RCOR1: variants seen among roughly 807,000 people sequenced by gnomAD.
RCOR1 encodes REST corepressor.
In RCOR1, 12 loss-of-function variants were observed where a neutral mutation model predicts 64.0. The observed-to-expected ratio is 0.19, with a 90% CI of 0.12 to 0.30. The LOEUF is 0.30. RCOR1 is among the 10% of genes least tolerant of loss of function. The pLI is 1.00. For synonymous variants in RCOR1, 279 were observed against 227.2 expected, an observed-to-expected ratio of 1.23 and a Z score of -2.05; for missense variants, 502 against 621.2, an observed-to-expected ratio of 0.81 and a Z score of 2.04.
At chr14:102,611,848 T>C (rs1464314512) in intron 2 of RCOR1, among the ~76,000 whole-genome samples, 1 of 152,190 alleles carries the variant, frequency 6.6e-6, no homozygotes, top group Non-Finnish European at 1.5e-5. Context: ...TTTATATTTT[T>C]AGAGAAGGTG....
chr14:102,713,343 G>A (rs893484853), intron 7 of RCOR1, among the ~76,000 whole-genome samples: 3 of 146,914 alleles, frequency 2.0e-5, no homozygotes, highest in African/African-American at 7.6e-5. Flanking sequence ...ACTGCAAGCT[G>A]CGCCTCCCAG....
chr14:102,601,783 C>T (rs1893403511), intron 2 of RCOR1, among the ~76,000 whole-genome samples: 1 of 152,196 alleles, frequency 6.6e-6, no homozygotes. Flanking sequence ...TTTCTGGTAG[C>T]TGGGGCTGTC....
At chr14:102,672,172 T>C (rs2139949471) in intron 2 of RCOR1, among the ~76,000 whole-genome samples, 1 of 152,306 alleles carries the variant, frequency 6.6e-6, no homozygotes, top group South Asian at 2.1e-4. Context: ...TTTTATTTCT[T>C]TGGGCTGTAT....
At chr14:102,724,867 C>T (rs1463406964) in intron 11 of RCOR1, among the ~76,000 whole-genome samples, 1 of 152,122 alleles carries the variant, frequency 6.6e-6, no homozygotes, top group Non-Finnish European at 1.5e-5. Flanking sequence ...CCTGTAGAGT[C>T]CAACAGCTGA....
intron 2 of RCOR1, among the ~76,000 whole-genome samples, chr14:102,596,993 C>T (rs938842201): frequency 6.6e-6 from 1 of 151,870 alleles, no homozygotes; most frequent in Non-Finnish European, 1.5e-5. Context: ...CTGCCTCAGC[C>T]TCCCAAGTAG....
At chr14:102,657,011 G>A in intron 2 of RCOR1, 12 of 806,618 alleles carry the variant, frequency 1.5e-5, no homozygotes, top group Non-Finnish European at 1.8e-5. Flanking sequence ...CTGACCTCAT[G>A]TGATCCACCC....
chr14:102,676,470 AC>A (rs1275406045), intron 2 of RCOR1, among the ~76,000 whole-genome samples: 1 of 75,916 alleles, frequency 1.3e-5, no homozygotes, highest in African/African-American at 6.4e-5. Flanking sequence ...CGGGGGGCTG[AC>A]CCCCCCACCT....
chr14:102,650,234 C>T (rs1012648236), intron 2 of RCOR1, among the ~76,000 whole-genome samples: 1 of 149,612 alleles, frequency 6.7e-6, no homozygotes, highest in East Asian at 1.9e-4. Flanking sequence ...TGGCCATGGG[C>T]ATGGTGGCTG....
At chr14:102,679,881 A>C (rs1895268705) in intron 2 of RCOR1, among the ~76,000 whole-genome samples, 1 of 152,170 alleles carries the variant, frequency 6.6e-6, no homozygotes, top group South Asian at 2.1e-4. Context: ...TCTTTTTCAA[A>C]ATTGCATTGG....
chr14:102,679,133 A>G (rs1008249147), intron 2 of RCOR1, among the ~76,000 whole-genome samples: 6 of 152,206 alleles, frequency 3.9e-5, no homozygotes, highest in Admixed American at 3.9e-4. Context: ...TTAGTATACC[A>G]TTAAAAAATG....
chr14:102,691,279 T>C (rs1216558161), intron 3 of RCOR1, among the ~76,000 whole-genome samples: 4 of 128,730 alleles, frequency 3.1e-5, no homozygotes, highest in African/African-American at 1.0e-4. Context: ...GCCATAAAGA[T>C]GGGACCAATA....
intron 2 of RCOR1, among the ~76,000 whole-genome samples, chr14:102,594,575 CTG>C (rs761856206): frequency 6.6e-6 from 1 of 151,800 alleles, no homozygotes; most frequent in Non-Finnish European, 1.5e-5. Flanking sequence ...TGACGTAAAT[CTG>C]TTAAATTTAT....
chr14:102,721,564 T>A (rs929560154), intron 10 of RCOR1, 187 bp downstream of exon 10: 906 of 298,538 alleles, frequency 3.0e-3, no homozygotes, highest in Middle Eastern at 4.7e-3. Context: ...AAAAAAAAAA[T>A]TTTTTTTTTA....
chr14:102,602,963 C>T (rs1347764066), intron 2 of RCOR1, among the ~76,000 whole-genome samples: 7 of 152,150 alleles, frequency 4.6e-5, no homozygotes, highest in African/African-American at 1.2e-4. Flanking sequence ...GCTGTGTCCT[C>T]CCAAAGTGTT....
chr14:102,674,305 G>T (rs1895093785), intron 2 of RCOR1, among the ~76,000 whole-genome samples: 1 of 152,170 alleles, frequency 6.6e-6, no homozygotes, highest in African/African-American at 2.4e-5. Context: ...ATTAATGTTT[G>T]ATTAAATAAC....
intron 2 of RCOR1, among the ~76,000 whole-genome samples, chr14:102,622,901 T>A (rs753617052): frequency 6.6e-6 from 1 of 152,224 alleles, no homozygotes; most frequent in Non-Finnish European, 1.5e-5. Flanking sequence ...CTGTGGAGGA[T>A]TGAACCTCTT....
intron 2 of RCOR1, among the ~76,000 whole-genome samples, chr14:102,679,361 C>T (rs1400698890): frequency 1.3e-5 from 2 of 152,148 alleles, no homozygotes; most frequent in African/African-American, 2.4e-5. Flanking sequence ...GTTCCTGCAT[C>T]ATTTGTTGAA....
chr14:102,608,065 A>C (rs1893551494), intron 2 of RCOR1, among the ~76,000 whole-genome samples: 1 of 152,148 alleles, frequency 6.6e-6, no homozygotes, highest in African/African-American at 2.4e-5. Context: ...CAAAAAAAAA[A>C]ACAACAAAAT....
intron 7 of RCOR1, among the ~76,000 whole-genome samples, chr14:102,713,111 G>A (rs541428039): frequency 6.7e-6 from 1 of 149,076 alleles, no homozygotes; most frequent in African/African-American, 2.5e-5. Flanking sequence ...CCGCAACCAT[G>A]CCTGGCTAAT....
Sources: allele counts gnomAD v4.1 joint callset (sites outside exome capture counted in the v4.1 genomes callset), GRCh38; gene constraint gnomAD v4.1.1; transcripts MANE v1.5; gene names NCBI Gene and HGNC (gene_info 2026-07-23, HGNC 2026-07-21).